RANBP2: variants seen among roughly 807,000 people sequenced by gnomAD.
The protein encoded by RANBP2 is E3 SUMO-protein ligase RanBP2.
In RANBP2, 57 loss-of-function variants were observed where a neutral mutation model predicts 303.6. The observed-to-expected ratio is 0.19, with a 90% CI of 0.15 to 0.23. The LOEUF (loss-of-function observed/expected upper bound fraction) is 0.23. Among genes scored for constraint, RANBP2 ranks in the 10% least tolerant of loss-of-function variants. RANBP2 has a pLI of 1.00. For synonymous variants in RANBP2, 1,167 were observed against 1,301.5 expected, an observed-to-expected ratio of 0.90 and a Z score of 2.23; for missense variants, 3,138 against 3,780.8, an observed-to-expected ratio of 0.83 and a Z score of 4.46.
At chr2:109,033,043 C>T in the RANBP2 span, among the ~76,000 whole-genome samples, 99 of 143,050 alleles carry the variant, frequency 6.9e-4, no homozygotes, top group African/African-American at 2.9e-3. Flanking sequence ...ATGGGAAATA[C>T]ATTTCCTTTA....
chr2:109,074,516 A>T, the RANBP2 span, among the ~76,000 whole-genome samples: 2 of 150,702 alleles, frequency 1.3e-5, no homozygotes, highest in African/African-American at 4.8e-5. Flanking sequence ...CCTGGCCAAC[A>T]TGATGAAGCC....
the RANBP2 span, chr2:108,884,262 C>G: frequency 3.3e-5 from 5 of 152,174 alleles, no homozygotes; most frequent in African/African-American, 4.8e-5. Context: ...CTTTACCTGT[C>G]AAGCAGGGAC....
chr2:109,599,945 T>C, the RANBP2 span, among the ~76,000 whole-genome samples: 2 of 152,238 alleles, frequency 1.3e-5, no homozygotes, highest in East Asian at 3.8e-4. Flanking sequence ...CTTCCTCTCA[T>C]GGCAGCCAAA....
the RANBP2 span, among the ~76,000 whole-genome samples, chr2:108,947,499 T>C: frequency 2.0e-5 from 3 of 152,208 alleles, no homozygotes; most frequent in Non-Finnish European, 2.9e-5. Context: ...ACCCCTGCAG[T>C]AGACTTCTGC....
At chr2:109,055,282 G>C in the RANBP2 span, among the ~76,000 whole-genome samples, 1 of 151,812 alleles carries the variant, frequency 6.6e-6, no homozygotes, top group Admixed American at 6.6e-5. Context: ...GACACTTCTT[G>C]GTCAGCTATA....
At chr2:109,417,736 A>C in the RANBP2 span, among the ~76,000 whole-genome samples, 135 of 152,298 alleles carry the variant, frequency 8.9e-4, 1 homozygote, top group African/African-American at 3.1e-3. Flanking sequence ...TTTAAACAGG[A>C]GGAAGAAATC....
chr2:109,650,437 C>A, the RANBP2 span, among the ~76,000 whole-genome samples: 1 of 152,176 alleles, frequency 6.6e-6, no homozygotes, highest in Admixed American at 6.5e-5. Context: ...CCGGGCAGAG[C>A]TGAAGCACTG....
At chr2:109,569,423 A>C in the RANBP2 span, among the ~76,000 whole-genome samples, 1 of 147,468 alleles carries the variant, frequency 6.8e-6, no homozygotes, top group Admixed American at 6.9e-5. Context: ...GGGCAACAAG[A>C]GCAAAACTCT....
chr2:109,394,456 C>T, the RANBP2 span, among the ~76,000 whole-genome samples: 234 of 152,214 alleles, frequency 1.5e-3, 1 homozygote, highest in African/African-American at 4.9e-3. Context: ...GCAGAGGGGC[C>T]CCAGAACAGG....
At chr2:109,739,270 T>C in the RANBP2 span, among the ~76,000 whole-genome samples, 1 of 144,312 alleles carries the variant, frequency 6.9e-6, no homozygotes, top group African/African-American at 2.6e-5. Context: ...TTTCTATTTA[T>C]GTGAAGAATG....
chr2:109,495,244 C>T, the RANBP2 span, among the ~76,000 whole-genome samples: 2 of 152,230 alleles, frequency 1.3e-5, no homozygotes, highest in Non-Finnish European at 2.9e-5. Flanking sequence ...AGCAAATGCA[C>T]ATGGCATCAG....
chr2:108,848,035 T>TA, the RANBP2 span, among the ~76,000 whole-genome samples: 5 of 152,304 alleles, frequency 3.3e-5, no homozygotes, highest in Admixed American at 2.0e-4. Flanking sequence ...AAATGGATTC[T>TA]AAATAAGAAT....
the RANBP2 span, among the ~76,000 whole-genome samples, chr2:108,977,529 C>T: frequency 6.6e-6 from 1 of 152,172 alleles, no homozygotes; most frequent in African/African-American, 2.4e-5. Flanking sequence ...CTCGGCCTCC[C>T]AAAGTGCTGG....
chr2:108,725,835 C>G (rs1358173165), intron 1 of RANBP2, among the ~76,000 whole-genome samples: 1 of 149,828 alleles, frequency 6.7e-6, no homozygotes, highest in South Asian at 2.2e-4. Context: ...TTTTTTGAGA[C>G]GGAGGCTTGC....
the RANBP2 span, among the ~76,000 whole-genome samples, chr2:109,350,623 G>A: frequency 6.6e-6 from 1 of 152,168 alleles, no homozygotes; most frequent in African/African-American, 2.4e-5. Flanking sequence ...AAGAGACATG[G>A]GCAACTCCAT....
the RANBP2 span, among the ~76,000 whole-genome samples, chr2:109,392,278 G>GGAT: frequency 6.6e-6 from 1 of 152,202 alleles, no homozygotes; most frequent in African/African-American, 2.4e-5. Flanking sequence ...AGTGACGAGG[G>GGAT]GATGGCAGCA....
At chr2:108,874,364 T>C in the RANBP2 span, among the ~76,000 whole-genome samples, 1 of 152,178 alleles carries the variant, frequency 6.6e-6, no homozygotes, top group Non-Finnish European at 1.5e-5. Flanking sequence ...TTCTCCTGAC[T>C]CAGAAACTTG....
At chr2:108,787,305 C>T (rs936583027), downstream of RANBP2, among the ~76,000 whole-genome samples, 44 of 152,128 alleles carry the variant, frequency 2.9e-4, no homozygotes, top group African/African-American at 1.0e-3. Flanking sequence ...TCCCTTGTAC[C>T]CTCACTTGCA....
the RANBP2 span, among the ~76,000 whole-genome samples, chr2:109,225,717 A>T: frequency 2.0e-5 from 3 of 152,258 alleles, no homozygotes; most frequent in Admixed American, 6.5e-5. Flanking sequence ...TGTTTGTCCT[A>T]GACTTAAATT....
Sources: gnomAD v4.1 joint callset for allele counts (sites outside exome capture counted in the v4.1 genomes callset) on GRCh38, gnomAD v4.1.1 for gene constraint, MANE v1.5 for transcripts, NCBI Gene and HGNC (gene_info 2026-07-23, HGNC 2026-07-21) for gene names.